The following CCDC171 variants were observed in gnomAD, a reference collection of about 807,000 sequenced individuals.
CCDC171 encodes the protein coiled-coil domain-containing protein 171.
CCDC171 carries 177 observed loss-of-function variants against 168.2 expected under a neutral mutation model. The ratio of observed to expected loss-of-function variants is 1.05; its 90% CI spans 0.93 to 1.19. The LOEUF (loss-of-function observed/expected upper bound fraction) is 1.19. Ranked by LOEUF, CCDC171 falls within the 50% of genes most tolerant of loss-of-function variation. The probability of loss-of-function intolerance (pLI) is 0.00; values close to 1 mark genes in which losing one functional copy is unlikely to be tolerated. For synonymous variants in CCDC171, 687 were observed against 540.8 expected (o/e 1.27, Z -3.75); for missense variants, 1,991 against 1,539.0 (o/e 1.29, Z -4.91).
Position 15,745,560 on chromosome 9 carries a change from T to C in CCDC171, c.2600T>C (p.Leu867Pro), listed in dbSNP as rs747672518. 251 of 1,589,862 alleles carry C rather than the reference T, an allele frequency of 1.6e-4. 2 individuals carry two copies. Among genetic ancestry groups the C allele is most frequent in the Non-Finnish European group, 2.1e-4 (243 of 1,170,326 alleles). The change falls in exon 18 of 26, where the codon CTC becomes CCC. Residue 867 changes from leucine to proline, a missense_variant. Transcript: ENST00000380701. Reference protein sequence around the residue: ...QLRCLQALSWLTSSDLLAAII... With the variant: ...QLRCLQALSWPTSSDLLAAII... ...CGTTGTTTACAAGCGCTCAGTTGGC[T>C]CACCAGTTCTGACCTTCTTGCTGCA...
At chr9:16,078,536 C>G in the CCDC171 span, among the ~76,000 whole-genome samples, 7 of 152,160 alleles carry the variant, frequency 4.6e-5, no homozygotes, top group Admixed American at 4.6e-4. Flanking sequence ...GCTTCTCTAT[C>G]AACTCTGGAA....
At position 16,028,395 on chromosome 9, in the gene CCDC171, C is replaced by T. The variant is rs561916336; in HGVS notation, n.998+5487C>T. Among the ~76,000 whole-genome samples, 12 of 151,974 alleles carry T rather than the reference C, an allele frequency of 7.9e-5. No homozygotes were observed. The South Asian group carries it at 1.5e-3, about 19-fold the overall frequency. ...CAGCGATGTGGGTACTAAAGCAGAC[C>T]AAAGTAGATCTAGTACAAAAGAGAA... On this transcript the variant is annotated intron_variant and non_coding_transcript_variant, in intron 6 of 9. Transcript: ENST00000486641.
intron 23 of CCDC171, among the ~76,000 whole-genome samples, chr9:15,860,374 C>T (rs950888655): frequency 7.3e-5 from 11 of 150,972 alleles, no homozygotes; most frequent in African/African-American, 2.7e-4. Context: ...CGACATCTTT[C>T]TTTTTTTTAA....
chr9:15,742,946 TA>T (rs752639150), intron 16 of CCDC171, among the ~76,000 whole-genome samples: 1 of 151,962 alleles, frequency 6.6e-6, no homozygotes, highest in Non-Finnish European at 1.5e-5. Flanking sequence ...CTGATATTTT[TA>T]AATTTTTTTT....
the CCDC171 span, among the ~76,000 whole-genome samples, chr9:16,102,496 G>T: frequency 5.4e-5 from 8 of 147,758 alleles, no homozygotes; most frequent in Non-Finnish European, 9.0e-5. Flanking sequence ...GTTGGGGGGG[G>T]GCGGGGGTGG....
intron 3 of CCDC171, among the ~76,000 whole-genome samples, chr9:15,986,640 C>G (rs1406780203): frequency 6.6e-6 from 1 of 152,190 alleles, no homozygotes; most frequent in Non-Finnish European, 1.5e-5. Flanking sequence ...TGCCTGGCAC[C>G]TGCTGGAGAT....
At chr9:15,705,877 A>G (rs116761666) in intron 11 of CCDC171, among the ~76,000 whole-genome samples, 36 of 152,320 alleles carry the variant, frequency 2.4e-4, no homozygotes, top group African/African-American at 8.7e-4. Flanking sequence ...ATATGAATGA[A>G]TTAATATCAG....
chr9:16,096,534 C>T, the CCDC171 span, among the ~76,000 whole-genome samples: 1 of 152,160 alleles, frequency 6.6e-6, no homozygotes, highest in African/African-American at 2.4e-5. Context: ...TTTATCCTGC[C>T]GTGTGTCCTG....
At chr9:16,050,796 A>G (rs570571702) in intron 1 of CCDC171, among the ~76,000 whole-genome samples, 1 of 152,362 alleles carries the variant, frequency 6.6e-6, no homozygotes, top group African/African-American at 2.4e-5. Context: ...CTCTTGAGCT[A>G]CTGCATATGT....
intron 6 of CCDC171, among the ~76,000 whole-genome samples, chr9:15,606,962 G>T (rs921221046): frequency 6.6e-6 from 1 of 152,118 alleles, no homozygotes; most frequent in Non-Finnish European, 1.5e-5. Context: ...TGGAAAATAT[G>T]TTCTGTAACA....
At chr9:16,058,390 G>C (rs1833877248) in intron 1 of CCDC171, among the ~76,000 whole-genome samples, 1 of 152,062 alleles carries the variant, frequency 6.6e-6, no homozygotes, top group South Asian at 2.1e-4. Flanking sequence ...CTGTTACCCT[G>C]CAGTGACAGC....
chr9:16,089,349 T>G, the CCDC171 span, among the ~76,000 whole-genome samples: 1 of 152,114 alleles, frequency 6.6e-6, no homozygotes, highest in African/African-American at 2.4e-5. Context: ...CTGATGGTAG[T>G]TTCTTTTGCT....
At chr9:15,879,018 T>A (rs1316415254) in intron 24 of CCDC171, among the ~76,000 whole-genome samples, 1 of 152,000 alleles carries the variant, frequency 6.6e-6, no homozygotes, top group African/African-American at 2.4e-5. Flanking sequence ...TATTGAGAAC[T>A]AGGCTTAGTA....
At chr9:15,926,330 G>A (rs1387148316) in intron 25 of CCDC171, among the ~76,000 whole-genome samples, 1 of 151,516 alleles carries the variant, frequency 6.6e-6, no homozygotes, top group Non-Finnish European at 1.5e-5. Context: ...CTTAATTAAA[G>A]CCACCCAACT....
intron 11 of CCDC171, among the ~76,000 whole-genome samples, chr9:15,711,203 CT>C (rs1236436563): frequency 2.6e-5 from 4 of 152,132 alleles, no homozygotes; most frequent in Non-Finnish European, 4.4e-5. Context: ...CGAATAATCA[CT>C]GTTAAATAAA....
At chr9:15,604,609 C>T (rs952836811) in intron 6 of CCDC171, among the ~76,000 whole-genome samples, 1 of 151,972 alleles carries the variant, frequency 6.6e-6, no homozygotes, top group Admixed American at 6.6e-5. Context: ...GGAAGTGTAG[C>T]TTGAAAATAA....
At chr9:15,839,323 T>C (rs1298870114) in intron 21 of CCDC171, among the ~76,000 whole-genome samples, 1 of 152,198 alleles carries the variant, frequency 6.6e-6, no homozygotes, top group African/African-American at 2.4e-5. Flanking sequence ...AGAGAAATAT[T>C]GGTTTTACAT....
At chr9:16,092,179 T>G in the CCDC171 span, among the ~76,000 whole-genome samples, 1 of 152,202 alleles carries the variant, frequency 6.6e-6, no homozygotes, top group African/African-American at 2.4e-5. Context: ...CCACTCCAGG[T>G]TTCCTTCATT....
At chr9:15,783,480 A>T (rs955697060) in intron 20 of CCDC171, among the ~76,000 whole-genome samples, 1 of 152,258 alleles carries the variant, frequency 6.6e-6, no homozygotes, top group Admixed American at 6.5e-5. Flanking sequence ...CCTTTTTTAC[A>T]ATGGGAAAGT....
Sources: gnomAD v4.1 joint callset for allele counts (sites outside exome capture counted in the v4.1 genomes callset) on GRCh38, gnomAD v4.1.1 for gene constraint, MANE v1.5 for transcripts, NCBI Gene and HGNC (gene_info 2026-07-23, HGNC 2026-07-21) for gene names.